Variants in PDE4D observed in about 807,000 individuals in gnomAD.
The protein encoded by PDE4D is phosphodiesterase 4D, also known as 3',5'-cyclic-AMP phosphodiesterase 4D.
In PDE4D, 24 loss-of-function variants were observed where a neutral mutation model predicts 87.4. The ratio of observed to expected loss-of-function variants is 0.27; its 90% CI spans 0.20 to 0.39. The LOEUF (loss-of-function observed/expected upper bound fraction) is 0.39, where lower values mean the gene tolerates loss of function less well. Among genes scored for constraint, PDE4D ranks in the 10% least tolerant of loss-of-function variants. The probability of loss-of-function intolerance (pLI) is 1.00; values close to 1 mark genes in which losing one functional copy is unlikely to be tolerated. For missense variants in PDE4D, 714 were observed against 1,041.0 expected (o/e 0.69, Z 4.32); for synonymous variants, 384 against 383.2 (o/e 1.00, Z -0.02).
At chr5:60,423,771 A>G (rs1743362905) in intron 1 of PDE4D, among the ~76,000 whole-genome samples, 1 of 152,224 alleles carries the variant, frequency 6.6e-6, no homozygotes. Flanking sequence ...GGTTTTTTGA[A>G]AAGATCAAAA....
At chr5:59,622,329 T>A (rs777357709) in intron 1 of PDE4D, among the ~76,000 whole-genome samples, 1 of 152,104 alleles carries the variant, frequency 6.6e-6, no homozygotes, top group Non-Finnish European at 1.5e-5. Flanking sequence ...ATTTAAAAGG[T>A]CTTAATTCTA....
rs886835111 is a variant in PDE4D, at chr5:59,307,547, G to A, written c.456-91579C>T. On this transcript the variant is annotated intron_variant, in intron 1 of 14. Coordinates refer to ENST00000340635, the MANE Select transcript of PDE4D (RefSeq NM_001104631.2). ...CAAACAACCCCATCAGAAAGTGGGC[G>A]AAGGATATGAACAGACACTTCTCAA... Among the ~76,000 whole-genome samples the A allele has an allele frequency of 9.2e-5, 14 of 152,170 alleles. 1 individual carries two copies. Among genetic ancestry groups the A allele is most frequent in the South Asian group, 6.2e-4 (3 of 4,814 alleles).
chr5:60,244,800 G>C (rs1037630423), intron 1 of PDE4D, among the ~76,000 whole-genome samples: 3 of 151,884 alleles, frequency 2.0e-5, no homozygotes, highest in African/African-American at 7.2e-5. Flanking sequence ...AAACCAAAAT[G>C]GATGAAAGAC....
At chr5:59,610,448 C>T in intron 1 of PDE4D, among the ~76,000 whole-genome samples, 1 of 152,144 alleles carries the variant, frequency 6.6e-6, no homozygotes, top group Non-Finnish European at 1.5e-5. Flanking sequence ...ATGGTTCCAC[C>T]TTGATCAGCT....
intron 7 of PDE4D, 62 bp from the exon 8 acceptor site, chr5:58,992,066 CATAATTGGAAGGATT>C (rs1396633723): frequency 4.9e-6 from 5 of 1,010,652 alleles, no homozygotes; most frequent in Non-Finnish European, 6.8e-6. Flanking sequence ...ATATCATATG[CATAATTGGAAGGATT>C]ATAATTGATC....
intron 1 of PDE4D, among the ~76,000 whole-genome samples, chr5:59,441,171 T>C (rs1797560413): frequency 1.3e-5 from 2 of 149,646 alleles, no homozygotes; most frequent in African/African-American, 4.9e-5. Flanking sequence ...CTCGGCTCAT[T>C]GCAGCCTCCA....
chr5:60,148,524 G>C (rs1377046402), intron 2 of PDE4D, among the ~76,000 whole-genome samples: 3 of 152,218 alleles, frequency 2.0e-5, no homozygotes, highest in East Asian at 3.9e-4. Flanking sequence ...TGCAGTCTTG[G>C]TATTTGGCTC....
intron 1 of PDE4D, among the ~76,000 whole-genome samples, chr5:59,490,271 A>G (rs553940904): frequency 2.3e-4 from 35 of 152,302 alleles, no homozygotes; most frequent in African/African-American, 8.2e-4. Flanking sequence ...AAAATATTTA[A>G]TATATTGGCT....
intron 1 of PDE4D, among the ~76,000 whole-genome samples, chr5:59,360,222 G>C (rs907087285): frequency 6.6e-6 from 1 of 152,130 alleles, no homozygotes; most frequent in Non-Finnish European, 1.5e-5. Flanking sequence ...AATTACTTGC[G>C]CATCAAGTCT....
chr5:59,220,295 C>T (rs77750792), intron 1 of PDE4D, among the ~76,000 whole-genome samples: 5 of 145,626 alleles, frequency 3.4e-5, no homozygotes, highest in South Asian at 2.2e-4. Flanking sequence ...GTGGGAGGAT[C>T]GCTTCAGACC....
intron 5 of PDE4D, chr5:59,125,298 A>G (rs1775224411): frequency 1.0e-6 from 1 of 984,156 alleles, no homozygotes; most frequent in African/African-American, 1.7e-5. Context: ...TTCCAGGTCC[A>G]TGGTAATTTG....
chr5:59,777,078 T>G (rs1764151285), intron 1 of PDE4D, among the ~76,000 whole-genome samples: 1 of 152,220 alleles, frequency 6.6e-6, no homozygotes, highest in Non-Finnish European at 1.5e-5. Flanking sequence ...AAACATCTCC[T>G]TGAACATAGC....
intron 1 of PDE4D, among the ~76,000 whole-genome samples, chr5:59,877,425 C>T (rs1748754708): frequency 6.9e-6 from 1 of 144,646 alleles, no homozygotes; most frequent in Admixed American, 7.3e-5. Flanking sequence ...TCCACCATGG[C>T]ACATGTATAT....
chr5:60,377,237 A>G (rs1024846510), intron 1 of PDE4D, among the ~76,000 whole-genome samples: 2 of 152,194 alleles, frequency 1.3e-5, no homozygotes, highest in Non-Finnish European at 2.9e-5. Context: ...GAGGACAAAG[A>G]CTATATCTGA....
intron 3 of PDE4D, among the ~76,000 whole-genome samples, chr5:59,932,958 G>GTGAAATCTC (rs11281101): frequency 0.44 from 67,228 of 151,380 alleles, 15,253 homozygotes; most frequent in East Asian, 0.77. Flanking sequence ...TTTAGAAATG[G>GTGAAATCTC]TGAAATCTCC....
At chr5:59,327,070 T>C (rs754984117) in intron 1 of PDE4D, among the ~76,000 whole-genome samples, 4 of 151,642 alleles carry the variant, frequency 2.6e-5, no homozygotes, top group Non-Finnish European at 5.9e-5. Flanking sequence ...TTGAGAAATA[T>C]CTATGGAATG....
At chr5:59,950,905 C>T (rs1270222588) in intron 3 of PDE4D, among the ~76,000 whole-genome samples, 8 of 152,000 alleles carry the variant, frequency 5.3e-5, no homozygotes, top group African/African-American at 1.9e-4. Flanking sequence ...AGAGCAATAT[C>T]TTGTCTAGCT....
At chr5:60,365,329 T>C (rs1760426399) in intron 1 of PDE4D, among the ~76,000 whole-genome samples, 1 of 152,174 alleles carries the variant, frequency 6.6e-6, no homozygotes, top group African/African-American at 2.4e-5. Context: ...CAGCTCCTTT[T>C]GAAATGTCAG....
chr5:59,242,174 T>C (rs1185042850), intron 1 of PDE4D, among the ~76,000 whole-genome samples: 1 of 152,146 alleles, frequency 6.6e-6, no homozygotes, highest in African/African-American at 2.4e-5. Flanking sequence ...GAGGATCACT[T>C]GAGCCCAGGA....
Sources: gnomAD v4.1 joint callset for allele counts (sites outside exome capture counted in the v4.1 genomes callset) on GRCh38, gnomAD v4.1.1 for gene constraint, MANE v1.5 for transcripts, NCBI Gene and HGNC (gene_info 2026-07-23, HGNC 2026-07-21) for gene names.